Variants in TNRC18 observed in about 807,000 individuals in gnomAD.
The protein encoded by TNRC18 is trinucleotide repeat-containing gene 18 protein.
TNRC18 carries 69 observed loss-of-function variants against 226.7 expected under a neutral mutation model. The ratio of observed to expected loss-of-function variants is 0.30; its 90% CI spans 0.25 to 0.37. The LOEUF is 0.37. Among genes scored for constraint, TNRC18 ranks in the 10% least tolerant of loss-of-function variants. TNRC18 has a pLI of 1.00. For missense variants in TNRC18, 4,754 were observed against 4,256.6 expected (o/e 1.12, Z -3.25); for synonymous variants, 2,449 against 1,927.6 (o/e 1.27, Z -7.09).
chr7:5,374,520 C>T (rs373453750), intron 9 of TNRC18, 36 bp from the exon 10 acceptor site: 116 of 1,524,868 alleles, frequency 7.6e-5, no homozygotes, highest in African/African-American at 5.1e-4. Flanking sequence ...CAGCACGGCA[C>T]GAGTTTCCCC....
rs1779949927 is a variant in TNRC18 at position 5,388,136 on chromosome 7, G to A, written c.1688C>T (p.Ala563Val). 4 of 1,557,704 alleles carry A rather than the reference G, an allele frequency of 2.6e-6. No homozygotes were observed. Among genetic ancestry groups the A allele is most frequent in the Non-Finnish European group, 2.6e-6 (3 of 1,152,440 alleles). ...GTCAGCGACCGGCCGGCCGCAGGTG[G>A]CCGCCGAGCGGGGCAGCACAGCCCC... ...DPGAVLPRSA[A>V]TCGRPVADMH... Residue 563 changes from alanine (A) to valine (V), a missense_variant, in exon 5 of 30, where the codon GCC becomes GTC. Ala to Val is a moderately conservative substitution (Grantham distance 64). Transcript: ENST00000430969.
At chr7:5,415,369 C>CTTTT (rs368389351) in intron 2 of TNRC18, among the ~76,000 whole-genome samples, 27 of 83,128 alleles carry the variant, frequency 3.2e-4, no homozygotes, top group African/African-American at 3.6e-4. Context: ...CTGTGTCCCT[C>CTTTT]TTTTTTTTTT....
Position 5,362,556 on chromosome 7 carries a change from C to G in TNRC18, c.4395+94G>C, listed in dbSNP as rs987245160. The G allele has an allele frequency of 7.1e-6, 9 of 1,266,614 alleles. No homozygotes were observed. The African/African-American group carries it at 7.6e-5, about 11-fold the overall frequency. 78.5% of individuals were successfully genotyped at this position (1,266,614 alleles called of 1,614,324 possible). A position where few individuals can be genotyped will look rare whatever the true frequency, so the allele number is the denominator to read the frequency against. On this transcript the variant is annotated intron_variant, in intron 12 of 29. Transcript: ENST00000430969. ...AGCTCAGGCCTCTCTGGCGCCAAAG[C>G]CAGCCACGCCCCAGGCAGTAGGGCA...
In TNRC18 at chr7:5,357,289, G is replaced by A. The variant is rs756390137; in HGVS notation, c.4834-13C>T. 10 of 1,602,844 alleles carry A rather than the reference G, an allele frequency of 6.2e-6. No homozygotes were observed. Among genetic ancestry groups the A allele is most frequent in the Non-Finnish European group, 8.5e-6 (10 of 1,174,046 alleles). ...TCTTAATCTTTAGCTGGAGAGGGAAGGTGGGTCATGGGTTAAAAGATCTGA... is the reference window on the plus strand; with the variant it reads ...TCTTAATCTTTAGCTGGAGAGGGAAAGTGGGTCATGGGTTAAAAGATCTGA... On this transcript the variant is annotated splice_polypyrimidine_tract_variant and intron_variant, in intron 15 of 29. Coordinates refer to ENST00000430969, the MANE Select transcript of TNRC18 (RefSeq NM_001080495.3).
At chr7:5,422,676 AC>A (rs1288787312) in intron 1 of TNRC18, 1 of 150,312 alleles carries the variant, frequency 6.7e-6, no homozygotes, top group Non-Finnish European at 1.5e-5. Flanking sequence ...CGGCTGCAAA[AC>A]CCCTAGCCAA....
chr7:5,388,241 GCGGCCAGCA>G lies in TNRC18; in HGVS notation c.1574_1582del (p.Val525_Ala527del). The G allele has an allele frequency of 6.2e-7, 1 of 1,606,884 alleles. No individual in the cohort carries two copies. Among genetic ancestry groups the G allele is most frequent in the Non-Finnish European group, 8.5e-7 (1 of 1,177,602 alleles). On this transcript the variant is annotated inframe_deletion, in exon 5 of 30. Coordinates refer to ENST00000430969, the MANE Select transcript of TNRC18 (RefSeq NM_001080495.3). ...TTCGGCGCGGCTGTGGTGGTGCTGC[GCGGCCAGCA>G]CGGCCATCTGCGTGGCGGCGAAGTT...
chr7:5,336,206 T>TAAAA (rs1194733009), intron 18 of TNRC18, among the ~76,000 whole-genome samples: 38 of 120,290 alleles, frequency 3.2e-4, no homozygotes, highest in Admixed American at 3.0e-3. Context: ...GACTCTGTTT[T>TAAAA]AAAAAAAAAA....
intron 17 of TNRC18, among the ~76,000 whole-genome samples, chr7:5,351,517 A>G (rs1791812480): frequency 6.7e-6 from 1 of 149,540 alleles, no homozygotes; most frequent in East Asian, 2.0e-4. Context: ...GGAGGAGGGC[A>G]GGGAGGAGGG....
At chr7:5,382,647 A>T (rs558790580) in intron 5 of TNRC18, among the ~76,000 whole-genome samples, 23 of 152,198 alleles carry the variant, frequency 1.5e-4, no homozygotes, top group African/African-American at 5.1e-4. Flanking sequence ...GTGAAGCTGG[A>T]GGTGGGGACA....
At chr7:5,356,783 G>A in intron 16 of TNRC18, 133 bp downstream of exon 16, 7 of 1,299,422 alleles carry the variant, frequency 5.4e-6, no homozygotes, top group Non-Finnish European at 7.2e-6. Context: ...CTCAGGCACT[G>A]TAGTGCGCCC....
intron 18 of TNRC18, among the ~76,000 whole-genome samples, chr7:5,338,925 G>GC: frequency 1.2e-5 from 1 of 84,160 alleles, no homozygotes; most frequent in African/African-American, 5.5e-5. Flanking sequence ...CATCTCAAAA[G>GC]GAAAAAAAAA....
At chr7:5,308,799 G>A (rs1391409499) in intron 29 of TNRC18, 76 bp downstream of exon 29, 10 of 1,491,248 alleles carry the variant, frequency 6.7e-6, no homozygotes, top group East Asian at 4.9e-5. Flanking sequence ...CAGATGCTGA[G>A]CCGGGCCCTG....
chr7:5,357,361 G>A (rs1792551113), intron 15 of TNRC18, 85 bp from the exon 16 acceptor site: 14 of 1,412,292 alleles, frequency 9.9e-6, no homozygotes, highest in Non-Finnish European at 1.1e-5. Context: ...CCCAGCCTGG[G>A]CTCCAATCCT....
intron 11 of TNRC18, among the ~76,000 whole-genome samples, chr7:5,368,664 C>CA (rs534524701): frequency 0.047 from 3,835 of 82,066 alleles, 170 homozygotes; most frequent in African/African-American, 0.13. Context: ...GACTCTGTCT[C>CA]AAAAAAAAAA....
At chr7:5,339,502 A>C (rs2128133869) in intron 18 of TNRC18, among the ~76,000 whole-genome samples, 1 of 151,358 alleles carries the variant, frequency 6.6e-6, no homozygotes, top group Middle Eastern at 3.4e-3. Context: ...GGCCTCCCAA[A>C]GTGCTGGGAT....
At chr7:5,414,111 T>C (rs1421876582) in intron 2 of TNRC18, among the ~76,000 whole-genome samples, 1 of 151,798 alleles carries the variant, frequency 6.6e-6, no homozygotes, top group Non-Finnish European at 1.5e-5. Flanking sequence ...CACACCCAGC[T>C]AATTTCTGTA....
intron 2 of TNRC18, among the ~76,000 whole-genome samples, chr7:5,409,728 A>C (rs1781716177): frequency 1.3e-5 from 2 of 151,700 alleles, no homozygotes; most frequent in Admixed American, 1.3e-4. Context: ...TTGTAATCCC[A>C]GACTTTGGGA....
At chr7:5,344,599 C>A (rs1219947260) in intron 18 of TNRC18, among the ~76,000 whole-genome samples, 5 of 152,146 alleles carry the variant, frequency 3.3e-5, no homozygotes, top group African/African-American at 1.2e-4. Context: ...AGCTGGGGGG[C>A]CTTCAGGGGC....
Position 5,421,386 on chromosome 7 carries a change from G to T in TNRC18, c.-140C>A. 1 of 809,420 alleles carries T rather than the reference G, an allele frequency of 1.2e-6. No homozygotes were observed. Among genetic ancestry groups the T allele is most frequent in the Non-Finnish European group, 1.6e-6 (1 of 630,518 alleles). The allele number at this position is 809,420 out of a possible 1,614,324, so 50.1% of individuals were successfully genotyped here. ...GGCGTGCATGGCGGCGGCCAGCGGGGCTTGCGCTCGGCGGCGGGCCCGCGG... is the reference window on the plus strand; with the variant it reads ...GGCGTGCATGGCGGCGGCCAGCGGGTCTTGCGCTCGGCGGCGGGCCCGCGG... On this transcript the variant is annotated 5_prime_UTR_variant, in exon 2 of 30. Transcript: ENST00000430969.
Sources: gnomAD v4.1 joint callset for allele counts (sites outside exome capture counted in the v4.1 genomes callset) on GRCh38, gnomAD v4.1.1 for gene constraint, MANE v1.5 for transcripts, NCBI Gene and HGNC (gene_info 2026-07-23, HGNC 2026-07-21) for gene names.